PARD3: variants seen among roughly 807,000 people sequenced by gnomAD.
PARD3 encodes partitioning defective 3 homolog.
PARD3 carries 75 observed loss-of-function variants against 155.4 expected under a neutral mutation model. The ratio of observed to expected loss-of-function variants is 0.48; its 90% CI spans 0.40 to 0.58. The LOEUF (loss-of-function observed/expected upper bound fraction) is 0.58. Ranked by LOEUF, PARD3 falls within the 20% of genes least tolerant of loss-of-function variation. PARD3 has a pLI of 0.00. For synonymous variants in PARD3, 576 were observed against 610.5 expected, an observed-to-expected ratio of 0.94 and a Z score of 0.83; for missense variants, 1,642 against 1,721.7, an observed-to-expected ratio of 0.95 and a Z score of 0.82.
intron 3 of PARD3, among the ~76,000 whole-genome samples, chr10:34,490,938 C>T (rs1263741832): frequency 6.6e-6 from 1 of 152,172 alleles, no homozygotes; most frequent in East Asian, 1.9e-4. Context: ...TTCACAAGCT[C>T]TTCAGGTCAT....
chr10:34,535,452 T>C (rs1368599463), intron 2 of PARD3, among the ~76,000 whole-genome samples: 1 of 152,106 alleles, frequency 6.6e-6, no homozygotes, highest in Non-Finnish European at 1.5e-5. Context: ...GTAACACAAA[T>C]TAAAACAGAG....
intron 2 of PARD3, among the ~76,000 whole-genome samples, chr10:34,534,995 G>C (rs1206735825): frequency 1.3e-5 from 2 of 152,188 alleles, no homozygotes; most frequent in African/African-American, 4.8e-5. Context: ...CTGGGTGACA[G>C]AGCAAGACCT....
chr10:34,669,858 A>C (rs1471771310), intron 2 of PARD3, among the ~76,000 whole-genome samples: 1 of 152,248 alleles, frequency 6.6e-6, no homozygotes, highest in Admixed American at 6.5e-5. Context: ...GGATGTATTT[A>C]AAATTTGGCT....
chr10:34,186,408 A>T (rs561738454), intron 22 of PARD3, among the ~76,000 whole-genome samples: 1 of 151,058 alleles, frequency 6.6e-6, no homozygotes, highest in African/African-American at 2.4e-5. Flanking sequence ...ATGCTCCCCA[A>T]TCAGATTCCC....
At chr10:34,469,321 G>A (rs972946634) in intron 4 of PARD3, among the ~76,000 whole-genome samples, 19 of 152,188 alleles carry the variant, frequency 1.2e-4, no homozygotes, top group Admixed American at 1.0e-3. Context: ...ATGTTGGCCA[G>A]GCGGGCCTTG....
intron 20 of PARD3, among the ~76,000 whole-genome samples, chr10:34,285,469 C>G (rs1956341285): frequency 6.6e-6 from 1 of 151,796 alleles, no homozygotes; most frequent in African/African-American, 2.4e-5. Context: ...CCCAGCTACT[C>G]CAGAGGCTGA....
intron 10 of PARD3, among the ~76,000 whole-genome samples, chr10:34,377,249 C>A (rs1391538187): frequency 1.3e-5 from 2 of 152,190 alleles, no homozygotes; most frequent in East Asian, 3.8e-4. Context: ...CGTAACCTTA[C>A]AGACATTTTA....
intron 15 of PARD3, 120 bp downstream of exon 15, chr10:34,347,845 A>T: frequency 1.4e-6 from 1 of 697,566 alleles, no homozygotes. Context: ...TGAAAACATT[A>T]ATATTTTTAT....
intron 22 of PARD3, among the ~76,000 whole-genome samples, chr10:34,172,132 T>G (rs1949826259): frequency 6.6e-6 from 1 of 152,078 alleles, no homozygotes; most frequent in Non-Finnish European, 1.5e-5. Context: ...AACACAACAT[T>G]CTCAAGGGTT....
intron 9 of PARD3, 25 bp from the exon 10 acceptor site, chr10:34,378,131 G>A (rs762795413): frequency 1.9e-6 from 3 of 1,545,270 alleles, no homozygotes; most frequent in Non-Finnish European, 8.7e-7. Flanking sequence ...GAGAAGAAAA[G>A]TAAATAAAAT....
chr10:34,605,344 C>T lies in PARD3; in HGVS notation c.223-88185G>A, dbSNP rs546175876. Among the ~76,000 whole-genome samples, 15 of 149,240 alleles carry T rather than the reference C, an allele frequency of 1.0e-4. No homozygotes were observed. In the East Asian group the frequency reaches 3.0e-3, roughly 30 times the overall value. On this transcript the variant is annotated intron_variant, in intron 2 of 24. Transcript: ENST00000374788. ...AGTAGCTGGGACTACAGGGCGCCTA[C>T]CACCACGCCTGGCTAATTTTTTGTA...
chr10:34,512,702 A>G (rs2081472598), intron 3 of PARD3, among the ~76,000 whole-genome samples: 1 of 152,250 alleles, frequency 6.6e-6, no homozygotes, highest in Non-Finnish European at 1.5e-5. Context: ...TTTAAAAACT[A>G]AAACATATCA....
At chr10:34,684,790 C>T (rs968166231) in intron 2 of PARD3, among the ~76,000 whole-genome samples, 12 of 96,136 alleles carry the variant, frequency 1.2e-4, no homozygotes, top group African/African-American at 5.5e-4. Flanking sequence ...CACACACACA[C>T]ACACACACAC....
chr10:34,362,206 G>A (rs980163922), intron 12 of PARD3, among the ~76,000 whole-genome samples: 5 of 152,162 alleles, frequency 3.3e-5, no homozygotes, highest in African/African-American at 1.2e-4. Flanking sequence ...GGCTGAGGCA[G>A]GAGAATGGCG....
At chr10:34,722,978 T>C (rs181768951) in intron 1 of PARD3, among the ~76,000 whole-genome samples, 21 of 152,296 alleles carry the variant, frequency 1.4e-4, no homozygotes, top group African/African-American at 4.3e-4. Flanking sequence ...GACAGGTACA[T>C]GGAGGTATGT....
intron 23 of PARD3, among the ~76,000 whole-genome samples, chr10:34,129,832 C>CTTTTT (rs71030099): frequency 5.0e-5 from 6 of 120,122 alleles, no homozygotes; most frequent in African/African-American, 6.4e-5. Flanking sequence ...TAATTAAAAA[C>CTTTTT]TTTTTTTTTT....
intron 20 of PARD3, among the ~76,000 whole-genome samples, chr10:34,295,923 C>T (rs1956887619): frequency 6.6e-6 from 1 of 152,162 alleles, no homozygotes; most frequent in Non-Finnish European, 1.5e-5. Flanking sequence ...GCCTTCCATA[C>T]CCATTCTTTC....
At chr10:34,546,349 C>G (rs1056306125) in intron 2 of PARD3, among the ~76,000 whole-genome samples, 4 of 152,052 alleles carry the variant, frequency 2.6e-5, no homozygotes, top group African/African-American at 9.6e-5. Flanking sequence ...AACCCCGCCT[C>G]TACTAAAAAT....
intron 2 of PARD3, among the ~76,000 whole-genome samples, chr10:34,618,496 A>T (rs1241953477): frequency 6.6e-6 from 1 of 152,224 alleles, no homozygotes; most frequent in African/African-American, 2.4e-5. Context: ...TTCAGGTAAA[A>T]ATGAGAAAGT....
Sources: gnomAD v4.1 joint callset for allele counts (sites outside exome capture counted in the v4.1 genomes callset) on GRCh38, gnomAD v4.1.1 for gene constraint, MANE v1.5 for transcripts, NCBI Gene and HGNC (gene_info 2026-07-23, HGNC 2026-07-21) for gene names.